Variants in WRN observed in about 807,000 individuals in gnomAD.
The protein encoded by WRN is bifunctional 3'-5' exonuclease/ATP-dependent helicase WRN.
WRN carries 149 observed loss-of-function variants against 180.7 expected under a neutral mutation model. The observed-to-expected ratio is 0.82, with a 90% CI of 0.72 to 0.94. The LOEUF (loss-of-function observed/expected upper bound fraction) is 0.94. Among genes scored for constraint, WRN ranks in the 40% least tolerant of loss-of-function variants. The pLI, the probability that WRN is intolerant of heterozygous loss-of-function variation, is 0.00. For synonymous variants in WRN, 548 were observed against 568.9 expected, an observed-to-expected ratio of 0.96 and a Z score of 0.52; for missense variants, 1,661 against 1,700.1, an observed-to-expected ratio of 0.98 and a Z score of 0.40.
At chr8:31,099,659 G>A (rs895204202) in intron 17 of WRN, among the ~76,000 whole-genome samples, 45 of 149,168 alleles carry the variant, frequency 3.0e-4, no homozygotes, top group African/African-American at 9.7e-4. Context: ...TTGCATGTCT[G>A]TCTCCTCTTT....
At chr8:31,063,982 A>G (rs1385882564) in intron 3 of WRN, among the ~76,000 whole-genome samples, 1 of 152,066 alleles carries the variant, frequency 6.6e-6, no homozygotes, top group Non-Finnish European at 1.5e-5. Flanking sequence ...TTGACTTTCC[A>G]AAGTGCTGGG....
At chr8:31,146,957 C>G in intron 28 of WRN, 96 bp from the exon 29 acceptor site, 1 of 1,032,308 alleles carries the variant, frequency 9.7e-7, no homozygotes, top group Non-Finnish European at 1.4e-6. Flanking sequence ...AATGTTTGTA[C>G]TGATTTGGAA....
intron 17 of WRN, among the ~76,000 whole-genome samples, chr8:31,099,442 G>C (rs1342509080): frequency 1.3e-5 from 2 of 151,298 alleles, no homozygotes; most frequent in Admixed American, 6.6e-5. Context: ...CTCAGGTTTA[G>C]TTTCAAAAGC....
At chr8:31,124,408 T>A (rs1801838297) in intron 21 of WRN, 114 bp from the exon 22 acceptor site, 1 of 767,364 alleles carries the variant, frequency 1.3e-6, no homozygotes, top group Non-Finnish European at 2.1e-6. Flanking sequence ...TTTATCTTGA[T>A]GGGGTGTGGG....
At chr8:31,168,499 A>G (rs1377249145) in intron 34 of WRN, among the ~76,000 whole-genome samples, 1 of 139,102 alleles carries the variant, frequency 7.2e-6, no homozygotes, top group African/African-American at 2.6e-5. Flanking sequence ...CATGTCAACA[A>G]GAGAATGGTG....
intron 1 of WRN, among the ~76,000 whole-genome samples, chr8:31,047,859 A>G (rs1347230844): frequency 6.6e-6 from 1 of 152,200 alleles, no homozygotes; most frequent in Non-Finnish European, 1.5e-5. Context: ...TCAGTTGGGT[A>G]GTGAAATCCA....
chr8:31,064,483 T>C, intron 4 of WRN, 49 bp downstream of exon 4: 1 of 1,611,780 alleles, frequency 6.2e-7, no homozygotes, highest in South Asian at 1.1e-5. Context: ...TTGTAATATG[T>C]CAACTTTATC....
chr8:31,040,563 A>C (rs565885482), intron 1 of WRN, among the ~76,000 whole-genome samples: 16 of 152,232 alleles, frequency 1.1e-4, no homozygotes, highest in Non-Finnish European at 2.2e-4. Flanking sequence ...AAAATGTTTC[A>C]AGAAGATGGG....
At chr8:31,049,367 A>C (rs1053354418) in intron 1 of WRN, among the ~76,000 whole-genome samples, 15 of 151,836 alleles carry the variant, frequency 9.9e-5, no homozygotes, top group African/African-American at 3.6e-4. Context: ...CTCCATTTCT[A>C]CAAAAAATAC....
At chr8:31,152,076 A>G (rs1007874195) in intron 31 of WRN, among the ~76,000 whole-genome samples, 5 of 152,200 alleles carry the variant, frequency 3.3e-5, no homozygotes, top group African/African-American at 1.2e-4. Context: ...AAGTAATGAT[A>G]TAATCCATAA....
At position 31,096,172 on chromosome 8, in the gene WRN, G is replaced by A. The variant is rs561331710; in HGVS notation, c.1899-596G>A. On this transcript the variant is annotated intron_variant, in intron 16 of 34. Coordinates refer to ENST00000298139, the MANE Select transcript of WRN (RefSeq NM_000553.6). ...GTTTTGTTCCTATTTGATTCCTTGT[G>A]AAAGCACAATGCCTAGCGCACAATA... 8.5e-5 allele frequency among the ~76,000 whole-genome samples: 13 copies of A among 152,298 alleles called. No homozygotes were observed. The East Asian group carries it at 1.7e-3, about 20-fold the overall frequency.
At chr8:31,078,720 G>T (rs1296326786) in intron 8 of WRN, among the ~76,000 whole-genome samples, 2 of 152,166 alleles carry the variant, frequency 1.3e-5, no homozygotes, top group Non-Finnish European at 2.9e-5. Context: ...TTCTATTGCT[G>T]TCATGTACTT....
intron 24 of WRN, 21 bp from the exon 25 acceptor site, chr8:31,141,409 T>C: frequency 1.2e-6 from 2 of 1,613,832 alleles, no homozygotes; most frequent in South Asian, 1.1e-5. Context: ...TTTTAGATAC[T>C]GATTTTATTC....
chr8:31,128,950 G>A (rs1230557625), intron 23 of WRN, among the ~76,000 whole-genome samples: 1 of 151,578 alleles, frequency 6.6e-6, no homozygotes. Flanking sequence ...ACTATGGCCT[G>A]TAGGCCAAAT....
chr8:31,121,801 C>T (rs1801735019), intron 21 of WRN, among the ~76,000 whole-genome samples: 1 of 151,954 alleles, frequency 6.6e-6, no homozygotes, highest in African/African-American at 2.4e-5. Flanking sequence ...TCCTTCTTAA[C>T]ATAGAAGATG....
At chr8:31,062,671 C>A (rs900151043) in intron 3 of WRN, among the ~76,000 whole-genome samples, 3 of 151,960 alleles carry the variant, frequency 2.0e-5, no homozygotes, top group South Asian at 4.2e-4. Context: ...CCTTGGCCCC[C>A]CAAAGTGCTG....
chr8:31,065,117 G>A, intron 5 of WRN, 54 bp downstream of exon 5: 3 of 1,550,036 alleles, frequency 1.9e-6, no homozygotes, highest in South Asian at 2.4e-5. Context: ...GTGTTACACA[G>A]AATGTACTTT....
chr8:31,145,634 G>C (rs1311505308), intron 28 of WRN, among the ~76,000 whole-genome samples: 1 of 152,126 alleles, frequency 6.6e-6, no homozygotes, highest in East Asian at 1.9e-4. Flanking sequence ...AACCTTTTAA[G>C]TATTATTATT....
chr8:31,096,915 A>G lies in WRN; in HGVS notation c.1981+65A>G, dbSNP rs1814010858. ...TTAATATTTAAAGTTAAACCTATGG[A>G]TGGACACTGGATTTCACTTCTGTTA... is the stretch of plus-strand genomic sequence containing the variant. On this transcript the variant is annotated intron_variant, in intron 17 of 34. Transcript: ENST00000298139. 3 of 1,407,692 alleles carry G rather than the reference A, an allele frequency of 2.1e-6. No homozygotes were observed. The Admixed American group carries it at 5.0e-5, about 24-fold the overall frequency. 87.2% of individuals were successfully genotyped at this position (1,407,692 alleles called of 1,614,324 possible). A position where few individuals can be genotyped will look rare whatever the true frequency, so the allele number is the denominator to read the frequency against.
Sources: allele counts gnomAD v4.1 joint callset (sites outside exome capture counted in the v4.1 genomes callset), GRCh38; gene constraint gnomAD v4.1.1; transcripts MANE v1.5; gene names NCBI Gene and HGNC (gene_info 2026-07-23, HGNC 2026-07-21).